ATXN3: variants seen among roughly 807,000 people sequenced by gnomAD.
The protein encoded by ATXN3 is ataxin-3.
A neutral mutation model predicts 58.2 loss-of-function variants in ATXN3; 28 were observed. That is an observed-to-expected ratio of 0.48 (90% confidence interval 0.36 to 0.66). ATXN3 has a LOEUF of 0.66. Among genes scored for constraint, ATXN3 ranks in the 30% least tolerant of loss-of-function variants. The pLI, the probability that ATXN3 is intolerant of heterozygous loss-of-function variation, is 0.00. For synonymous variants in ATXN3, 113 were observed against 138.5 expected (o/e 0.82, Z 1.29); for missense variants, 321 against 422.1 (o/e 0.76, Z 2.10).
intron 9 of ATXN3, 118 bp downstream of exon 9, chr14:92,080,847 A>G (rs758381507): frequency 1.5e-5 from 14 of 947,558 alleles, no homozygotes; most frequent in Non-Finnish European, 2.1e-5. Flanking sequence ...ATTTGCTGTA[A>G]ATTTTTAAAA....
At chr14:92,086,621 T>C (rs2062619506) in intron 6 of ATXN3, among the ~76,000 whole-genome samples, 1 of 149,990 alleles carries the variant, frequency 6.7e-6, no homozygotes, top group African/African-American at 2.5e-5. Flanking sequence ...TAATCCCAGC[T>C]ACTCGGGAGG....
At chr14:92,064,548 A>G (rs1295566504) in intron 10 of ATXN3, 134 bp from the exon 11 acceptor site, 2 of 637,808 alleles carry the variant, frequency 3.1e-6, no homozygotes, top group Non-Finnish European at 5.5e-6. Context: ...ATAAAGCAAA[A>G]TTTACTTTTA....
intron 9 of ATXN3, among the ~76,000 whole-genome samples, chr14:92,075,362 T>C (rs1035742034): frequency 1.3e-5 from 2 of 152,112 alleles, no homozygotes; most frequent in African/African-American, 4.8e-5. Flanking sequence ...AGAAGAGGTT[T>C]CGCCATGTTG....
Position 92,083,232 on chromosome 14 carries a change from C to G in ATXN3, c.502G>C (p.Asp168His). 6.2e-7 allele frequency: 1 copy of G among 1,612,750 alleles called. No homozygotes were observed. The highest frequency in any genetic ancestry group is 8.5e-7 in the Non-Finnish European group (1 of 1,179,610). The change falls in exon 7 of 11, where the codon GAT (aspartate) becomes CAT (histidine). Residue 168 changes from aspartate (D) to histidine (H), a missense_variant. Physicochemically the swap from Asp to His is moderately conservative, Grantham distance 81. Transcript: ENST00000644486. The stretch of plus-strand genomic sequence containing the variant: ...TGGTCAGCTTCGCAATCTGGCAGAT[C>G]ACCCTTAACGACAAATATAGAATAA... Reference protein sequence around the residue: ...EGYSIFVVKGDLPDCEADQLL... With the variant: ...EGYSIFVVKGHLPDCEADQLL...
Position 92,063,293 on chromosome 14 carries a change from C to T in ATXN3, c.*1027G>A, listed in dbSNP as rs1016461116. On this transcript the variant is annotated 3_prime_UTR_variant, in exon 11 of 11. Coordinates refer to ENST00000644486, the MANE Select transcript of ATXN3 (RefSeq NM_004993.6). Reference sequence around the variant, plus strand: ...TGAAGCAGACACCTACATTCCATGACTCAACTGTAAAGAGAACACAAAGCT... The same window carrying T: ...TGAAGCAGACACCTACATTCCATGATTCAACTGTAAAGAGAACACAAAGCT... 5 of 152,276 alleles carry T rather than the reference C, an allele frequency of 3.3e-5. No homozygotes were observed. Among genetic ancestry groups the T allele is most frequent in the Admixed American group, 3.3e-4 (5 of 15,268 alleles). 9.4% of individuals were successfully genotyped at this position (152,276 alleles called of 1,614,324 possible).
downstream of ATXN3, among the ~76,000 whole-genome samples, chr14:92,057,786 G>C (rs2057490121): frequency 6.6e-6 from 1 of 152,106 alleles, no homozygotes; most frequent in African/African-American, 2.4e-5. Context: ...AGGAAAAGCA[G>C]CACTTAAAAA....
At chr14:92,087,637 A>G (rs2062879291) in intron 6 of ATXN3, among the ~76,000 whole-genome samples, 1 of 152,216 alleles carries the variant, frequency 6.6e-6, no homozygotes, top group Non-Finnish European at 1.5e-5. Flanking sequence ...GAGAGGGGAA[A>G]CACGTTGAAG....
chr14:92,089,226 C>T (rs895596103), intron 5 of ATXN3, among the ~76,000 whole-genome samples: 28 of 151,466 alleles, frequency 1.8e-4, no homozygotes, highest in Non-Finnish European at 3.1e-4. Flanking sequence ...GCCACATTGG[C>T]CAGGCTGGTC....
At chr14:92,047,441 T>C (rs2057432779) in intron 2 of ATXN3, among the ~76,000 whole-genome samples, 1 of 152,092 alleles carries the variant, frequency 6.6e-6, no homozygotes, top group South Asian at 2.1e-4. Flanking sequence ...TTAAAGCCAG[T>C]TGTGGGATGG....
At chr14:92,071,128 C>T in intron 9 of ATXN3, 75 bp from the exon 10 acceptor site, 3 of 1,516,742 alleles carry the variant, frequency 2.0e-6, no homozygotes, top group Non-Finnish European at 2.7e-6. Context: ...AAAAACTATT[C>T]ATAAGGAAAA....
rs55860112 is a variant in ATXN3, at chr14:92,064,916, T to C, written c.992-502A>G. ...GTTTCGTGTACTCTTTTGCCCAATT[T>C]CACCCAATAGTTACATCTTATGTAA... On this transcript the variant is annotated intron_variant, in intron 10 of 10. Coordinates refer to ENST00000644486, the MANE Select transcript of ATXN3 (RefSeq NM_004993.6). Among the ~76,000 whole-genome samples, 306 of 152,338 alleles carry C rather than the reference T, an allele frequency of 2.0e-3. 1 individual carries two copies. Among genetic ancestry groups the C allele is most frequent in the Non-Finnish European group, 3.7e-3 (252 of 68,044 alleles).
At chr14:92,103,882 C>T (rs905063334) in intron 1 of ATXN3, among the ~76,000 whole-genome samples, 1 of 152,042 alleles carries the variant, frequency 6.6e-6, no homozygotes, top group African/African-American at 2.4e-5. Flanking sequence ...CAGGACCTAG[C>T]AAGGGTTAAA....
At chr14:92,104,129 G>A (rs76511341) in intron 1 of ATXN3, among the ~76,000 whole-genome samples, 82 of 152,266 alleles carry the variant, frequency 5.4e-4, no homozygotes, top group Middle Eastern at 3.4e-3. Context: ...TGATAATTAA[G>A]AGGGACTCTT....
chr14:92,096,208 T>G, intron 2 of ATXN3, 71 bp from the exon 3 acceptor site: 1 of 1,612,326 alleles, frequency 6.2e-7, no homozygotes, highest in Non-Finnish European at 8.5e-7. Context: ...GTCATTAGCG[T>G]GCATATTTAA....
At chr14:92,055,326 T>TA (rs1476319155), downstream of ATXN3, among the ~76,000 whole-genome samples, 1 of 152,228 alleles carries the variant, frequency 6.6e-6, no homozygotes, top group Non-Finnish European at 1.5e-5. The surrounding 1 kb of genome is among the most constrained non-coding windows in gnomAD (Gnocchi z 4.5). Context: ...ATCAATCCTC[T>TA]ATATTTTTTA....
intron 1 of ATXN3, among the ~76,000 whole-genome samples, chr14:92,104,854 G>A (rs1230042389): frequency 6.6e-6 from 1 of 151,534 alleles, no homozygotes; most frequent in African/African-American, 2.4e-5. Flanking sequence ...ACGGGGAGGC[G>A]GAGGTTGCAG....
chr14:92,091,629 AT>A (rs34791653), intron 5 of ATXN3, among the ~76,000 whole-genome samples: 34,888 of 151,978 alleles, frequency 0.23, 4,195 homozygotes, highest in East Asian at 0.42. Context: ...TTGTATTTAC[AT>A]TTTAAAAAAA....
chr14:92,066,877 C>A (rs554327114), intron 10 of ATXN3, among the ~76,000 whole-genome samples: 1 of 151,906 alleles, frequency 6.6e-6, no homozygotes, highest in Non-Finnish European at 1.5e-5. Context: ...TCAAGCGATT[C>A]CCCTGCCTCA....
At chr14:92,052,113 G>A (rs2057450849), upstream of ATXN3, among the ~76,000 whole-genome samples, 1 of 151,946 alleles carries the variant, frequency 6.6e-6, no homozygotes, top group Non-Finnish European at 1.5e-5. Flanking sequence ...CCTGCATATT[G>A]CTAGGAACTC....
Sources: gnomAD v4.1 joint callset for allele counts (sites outside exome capture counted in the v4.1 genomes callset) on GRCh38, gnomAD v4.1.1 for gene constraint, Gnocchi (gnomAD v3.1) non-coding constraint, MANE v1.5 for transcripts, NCBI Gene and HGNC (gene_info 2026-07-23, HGNC 2026-07-21) for gene names.